Variants in RSPH9 observed in about 807,000 individuals in gnomAD.
RSPH9 encodes radial spoke head component 9.
Under a neutral mutation model 27.0 loss-of-function variants are expected in RSPH9, and 27 were observed. The observed-to-expected ratio is 1.00, with a 90% CI of 0.74 to 1.38. The LOEUF (loss-of-function observed/expected upper bound fraction) is 1.38. Ranked by LOEUF, RSPH9 falls within the 40% of genes most tolerant of loss-of-function variation. The pLI is 0.00. For synonymous variants in RSPH9, 145 were observed against 147.7 expected (o/e 0.98, Z 0.13); for missense variants, 347 against 357.4 (o/e 0.97, Z 0.24).
In RSPH9 at chr6:43,660,557, G is replaced by A. The variant is rs1210866343; in HGVS notation, c.670+3834G>A. 5.3e-5 allele frequency among the ~76,000 whole-genome samples: 8 copies of A among 152,110 alleles called. No individual in the cohort carries two copies. In the East Asian group the frequency reaches 1.2e-3, roughly 22 times the overall value. On this transcript the variant is annotated intron_variant, in intron 4 of 4. Transcript: ENST00000372163. ...CAGCTCACTGCAACCTCCACCTCCC[G>A]TGTTCAAGTGATTCTTCTGCCTCAG... is the stretch of plus-strand genomic sequence containing the variant.
intron 4 of RSPH9, among the ~76,000 whole-genome samples, chr6:43,660,038 C>CA: frequency 7.5e-6 from 1 of 134,070 alleles, no homozygotes; most frequent in Non-Finnish European, 1.6e-5. Flanking sequence ...CCCAGCCTGG[C>CA]CTTTTTTTTT....
intron 4 of RSPH9, chr6:43,666,572 C>T: frequency 8.2e-7 from 1 of 1,222,864 alleles, no homozygotes; most frequent in Non-Finnish European, 1.2e-6. Flanking sequence ...CAAGAGACAC[C>T]TTGGCTGAAG....
At chr6:43,659,662 G>A (rs747676209) in intron 4 of RSPH9, among the ~76,000 whole-genome samples, 19 of 151,944 alleles carry the variant, frequency 1.3e-4, no homozygotes, top group Non-Finnish European at 2.5e-4. Context: ...GATTACAGGC[G>A]TGAGCCACCC....
chr6:43,650,533 A>G lies in RSPH9; in HGVS notation c.386A>G (p.Glu129Gly), dbSNP rs751900140. 18 of 1,613,994 alleles carry G rather than the reference A, an allele frequency of 1.1e-5. No homozygotes were observed. The highest frequency in any genetic ancestry group is 1.6e-4 in the Middle Eastern group (1 of 6,072). Residue 129 changes from glutamate to glycine, a missense_variant, in exon 2 of 5, where the codon GAA becomes GGA. Coordinates refer to ENST00000372163, the MANE Select transcript of RSPH9 (RefSeq NM_152732.5). Reference protein sequence around the residue: ...VNEGEKVFEEEIVVQIKEETR... With the variant: ...VNEGEKVFEEGIVVQIKEETR... ...GAAGGTGAAAAAGTCTTTGAAGAAG[A>G]AATAGTGGTGAGTGAAGAGGAGAGC...
At chr6:43,664,425 T>A (rs1025504615) in intron 4 of RSPH9, among the ~76,000 whole-genome samples, 5 of 152,078 alleles carry the variant, frequency 3.3e-5, no homozygotes, top group African/African-American at 1.2e-4. Context: ...TGGCAGAAAG[T>A]CCTTAGAGAT....
Position 43,656,502 on chromosome 6 carries a change from G to A in RSPH9, c.524-75G>A, listed in dbSNP as rs900758187. On this transcript the variant is annotated intron_variant, in intron 3 of 4. Transcript: ENST00000372163. ...GGTCTTTTGTAAGCCCTACCATGTG[G>A]TCCCAGTGCAGACAGAAAGGGGGCT... 5 of 1,536,080 alleles carry A rather than the reference G, an allele frequency of 3.3e-6. No individual in the cohort carries two copies. The African/African-American group carries it at 6.8e-5, about 21-fold the overall frequency.
intron 4 of RSPH9, among the ~76,000 whole-genome samples, chr6:43,660,714 C>T (rs190675892): frequency 1.1e-4 from 17 of 152,264 alleles, no homozygotes; most frequent in African/African-American, 3.1e-4. Context: ...CTGCCAGTCT[C>T]GGCCTCCGAA....
chr6:43,647,477 G>T (rs1448319317), intron 1 of RSPH9, among the ~76,000 whole-genome samples: 3 of 152,142 alleles, frequency 2.0e-5, no homozygotes, highest in African/African-American at 7.2e-5. Flanking sequence ...AGGAGGTGAT[G>T]GGTTGGAAAG....
intron 4 of RSPH9, among the ~76,000 whole-genome samples, chr6:43,663,653 G>A (rs1772848139): frequency 6.6e-6 from 1 of 152,150 alleles, no homozygotes; most frequent in African/African-American, 2.4e-5. Context: ...TTAAATGGAT[G>A]TAGTTCGTGG....
chr6:43,666,656 G>C, intron 4 of RSPH9: 1 of 597,528 alleles, frequency 1.7e-6, no homozygotes, highest in Non-Finnish European at 3.0e-6. Context: ...CCATGGGAGT[G>C]GGTAGCTGGT....
At chr6:43,648,915 G>T (rs1233499547) in intron 1 of RSPH9, among the ~76,000 whole-genome samples, 2 of 152,182 alleles carry the variant, frequency 1.3e-5, no homozygotes, top group East Asian at 3.9e-4. Flanking sequence ...AGAGGAAATA[G>T]AACTGGAGAT....
At chr6:43,658,798 C>A (rs1050391553) in intron 4 of RSPH9, among the ~76,000 whole-genome samples, 1 of 152,194 alleles carries the variant, frequency 6.6e-6, no homozygotes, top group Non-Finnish European at 1.5e-5. Flanking sequence ...CCTACCTCGA[C>A]CTTCCAAAGT....
chr6:43,645,708 G>A (rs981078550), intron 1 of RSPH9, among the ~76,000 whole-genome samples: 6 of 152,228 alleles, frequency 3.9e-5, no homozygotes, highest in Admixed American at 3.9e-4. Flanking sequence ...GAAGCAGTGG[G>A]AAGGTTTCTG....
intron 4 of RSPH9, among the ~76,000 whole-genome samples, chr6:43,664,027 G>GAAA (rs1294350617): frequency 2.5e-5 from 2 of 79,062 alleles, no homozygotes; most frequent in African/African-American, 5.4e-5. Flanking sequence ...AGAATGTCTC[G>GAAA]AAAAAAAAAA....
rs557561472 is a variant in RSPH9 at position 43,672,527 on chromosome 6, G to A, written c.*1578G>A. Reference sequence around the variant, plus strand: ...TTTGGGGATGGCCAGGGCCCTGATAGTTCCCAGAAAAGTGGCTCATGCCGG... The same window carrying A: ...TTTGGGGATGGCCAGGGCCCTGATAATTCCCAGAAAAGTGGCTCATGCCGG... On this transcript the variant is annotated 3_prime_UTR_variant, in exon 5 of 5. Coordinates refer to ENST00000372163, the MANE Select transcript of RSPH9 (RefSeq NM_152732.5). 5.5e-5 allele frequency: 24 copies of A among 436,314 alleles called. No individual in the cohort carries two copies. The highest frequency in any genetic ancestry group is 3.9e-4 in the African/African-American group (19 of 48,884). The allele number at this position is 436,314 out of a possible 1,614,324, so 27.0% of individuals were successfully genotyped here.
At chr6:43,655,971 A>G (rs904901972) in intron 3 of RSPH9, among the ~76,000 whole-genome samples, 8 of 142,010 alleles carry the variant, frequency 5.6e-5, no homozygotes, top group Non-Finnish European at 9.3e-5. Flanking sequence ...GCCTTTTCCT[A>G]TCTCCTTCCT....
intron 3 of RSPH9, 72 bp from the exon 4 acceptor site, chr6:43,656,505 C>A: frequency 6.4e-7 from 1 of 1,551,034 alleles, no homozygotes; most frequent in Non-Finnish European, 8.9e-7. Context: ...CCATGTGGTC[C>A]CAGTGCAGAC....
intron 4 of RSPH9, among the ~76,000 whole-genome samples, chr6:43,658,060 T>G (rs1772206667): frequency 6.6e-6 from 1 of 151,918 alleles, no homozygotes; most frequent in Non-Finnish European, 1.5e-5. Flanking sequence ...GAGGCCAAGG[T>G]GGGCAGATCA....
At chr6:43,657,545 A>G (rs769814049) in intron 4 of RSPH9, among the ~76,000 whole-genome samples, 2 of 152,248 alleles carry the variant, frequency 1.3e-5, no homozygotes, top group Admixed American at 6.5e-5. Flanking sequence ...TGGATTGTTA[A>G]GTAAACAATA....
Sources: allele counts gnomAD v4.1 joint callset (sites outside exome capture counted in the v4.1 genomes callset), GRCh38; gene constraint gnomAD v4.1.1; transcripts MANE v1.5; gene names NCBI Gene and HGNC (gene_info 2026-07-23, HGNC 2026-07-21).